The following MED27 variants were observed in gnomAD, a reference collection of about 807,000 sequenced individuals.
MED27 encodes the protein mediator complex subunit 27.
A neutral mutation model predicts 38.2 loss-of-function variants in MED27; 30 were observed. That is an observed-to-expected ratio of 0.79 (90% confidence interval 0.59 to 1.07). The LOEUF (loss-of-function observed/expected upper bound fraction) is 1.07. Ranked by LOEUF, MED27 falls within the 50% of genes least tolerant of loss-of-function variation. The pLI is 0.00. For missense variants in MED27, 289 were observed against 397.5 expected (o/e 0.73, Z 2.32); for synonymous variants, 122 against 153.5 (o/e 0.79, Z 1.52).
At chr9:131,869,803 A>T (rs898498836) in intron 6 of MED27, among the ~76,000 whole-genome samples, 4 of 152,148 alleles carry the variant, frequency 2.6e-5, no homozygotes, top group Non-Finnish European at 5.9e-5. Context: ...GAAGTCTCAG[A>T]TGCCTCATTT....
intron 3 of MED27, among the ~76,000 whole-genome samples, chr9:131,992,626 T>C (rs981940455): frequency 6.6e-6 from 1 of 152,152 alleles, no homozygotes; most frequent in Non-Finnish European, 1.5e-5. Flanking sequence ...ACTTTTGAAC[T>C]CCTGGCCTCA....
intron 2 of MED27, among the ~76,000 whole-genome samples, chr9:132,020,029 A>G (rs907008842): frequency 2.6e-5 from 4 of 152,226 alleles, no homozygotes; most frequent in African/African-American, 9.6e-5. Context: ...TAATATTCAC[A>G]GTTAAATACT....
chr9:131,923,147 C>T (rs1830427109), intron 4 of MED27, among the ~76,000 whole-genome samples: 1 of 152,176 alleles, frequency 6.6e-6, no homozygotes. Context: ...GGGAAACGTG[C>T]ACTCCTGTGT....
At chr9:131,963,136 T>C (rs1220266199) in intron 3 of MED27, among the ~76,000 whole-genome samples, 2 of 152,192 alleles carry the variant, frequency 1.3e-5, no homozygotes, top group Non-Finnish European at 2.9e-5. Flanking sequence ...CATACATCAT[T>C]TTCTGTTTGG....
chr9:131,986,473 C>A (rs1831852569), intron 3 of MED27, among the ~76,000 whole-genome samples: 2 of 152,170 alleles, frequency 1.3e-5, no homozygotes, highest in African/African-American at 4.8e-5. Flanking sequence ...TGAGCCACTG[C>A]ACACAGCTCC....
At chr9:131,956,127 C>T (rs1179234592) in intron 3 of MED27, among the ~76,000 whole-genome samples, 1 of 152,146 alleles carries the variant, frequency 6.6e-6, no homozygotes, top group Admixed American at 6.5e-5. Flanking sequence ...ACTCTGACAC[C>T]TGCTAAAGGT....
intron 3 of MED27, among the ~76,000 whole-genome samples, chr9:131,979,282 A>G (rs1169981791): frequency 1.3e-5 from 2 of 152,162 alleles, no homozygotes; most frequent in East Asian, 3.8e-4. Context: ...ATTTTAAAGA[A>G]CAGCATCAGC....
intron 2 of MED27, among the ~76,000 whole-genome samples, chr9:132,035,632 AG>A (rs999875784): frequency 1.3e-5 from 2 of 152,198 alleles, no homozygotes; most frequent in African/African-American, 4.8e-5. Context: ...CGTCTGACAG[AG>A]GGGAAAAAAT....
intron 2 of MED27, among the ~76,000 whole-genome samples, chr9:132,054,246 A>C (rs1833526286): frequency 6.6e-6 from 1 of 152,136 alleles, no homozygotes; most frequent in Non-Finnish European, 1.5e-5. Flanking sequence ...CTCCTTTAAA[A>C]GTGTGCGGCA....
chr9:131,860,424 G>T lies in MED27; in HGVS notation c.*114C>A. Reference sequence around the variant, plus strand: ...GCACACATGGCGCTGCTTTATGAAAGGGAGGAGCAGCTGTACACATCTGGG... The same window carrying T: ...GCACACATGGCGCTGCTTTATGAAATGGAGGAGCAGCTGTACACATCTGGG... On this transcript the variant is annotated 3_prime_UTR_variant, in exon 8 of 8. Coordinates refer to ENST00000292035, the MANE Select transcript of MED27 (RefSeq NM_004269.4). The surrounding 1 kb of genome is among the most constrained non-coding windows in gnomAD (Gnocchi z 5.8). The T allele has an allele frequency of 8.1e-7, 1 of 1,237,610 alleles. No homozygotes were observed. The highest frequency in any genetic ancestry group is 1.1e-6 in the Non-Finnish European group (1 of 920,360). The allele number at this position is 1,237,610 out of a possible 1,614,324, so 76.7% of individuals were successfully genotyped here. A position where few individuals can be genotyped will look rare whatever the true frequency, so the allele number is the denominator to read the frequency against.
intron 2 of MED27, among the ~76,000 whole-genome samples, chr9:132,061,181 A>T (rs1193783025): frequency 6.6e-6 from 1 of 152,218 alleles, no homozygotes; most frequent in Non-Finnish European, 1.5e-5. Flanking sequence ...ATGGATGCTG[A>T]ACCTTAACTT....
chr9:131,937,825 C>A (rs992937601), intron 4 of MED27, among the ~76,000 whole-genome samples: 1 of 137,982 alleles, frequency 7.2e-6, no homozygotes, highest in Non-Finnish European at 1.6e-5. Context: ...TTAACTGAGG[C>A]AGACTTTTTT....
In MED27 at chr9:131,872,072, G is replaced by A. The variant is rs1050442469; in HGVS notation, c.724-8932C>T. 3.3e-5 allele frequency among the ~76,000 whole-genome samples: 5 copies of A among 152,332 alleles called. No individual in the cohort carries two copies. Among genetic ancestry groups the A allele is most frequent in the Non-Finnish European group, 5.9e-5 (4 of 68,032 alleles). On this transcript the variant is annotated intron_variant, in intron 6 of 7. Transcript: ENST00000292035. This position sits in a 1 kb window ranked among gnomAD's most constrained non-coding sequence, Gnocchi z 5.6. ...TGGAGGCTGGCGACGCAGCATGCAG[G>A]TGAGGAACAGACGCTGGAGGCTGAC...
intron 4 of MED27, among the ~76,000 whole-genome samples, chr9:131,923,656 A>G (rs1023496733): frequency 6.6e-6 from 1 of 152,176 alleles, no homozygotes; most frequent in African/African-American, 2.4e-5. Context: ...AGTCAGAACT[A>G]CATAAGAAGG....
chr9:131,949,362 T>G (rs539640968), intron 3 of MED27, among the ~76,000 whole-genome samples: 53 of 152,264 alleles, frequency 3.5e-4, no homozygotes, highest in African/African-American at 1.3e-3. Context: ...AAAGCACTTT[T>G]GCACTCTTTG....
rs146671597 is a variant in MED27, at chr9:132,065,645, C to T, written c.348+11797G>A. 2.7e-4 allele frequency among the ~76,000 whole-genome samples: 41 copies of T among 152,346 alleles called. 1 individual carries two copies. The East Asian group carries it at 7.9e-3, about 29-fold the overall frequency. On this transcript the variant is annotated intron_variant, in intron 2 of 7. Coordinates refer to ENST00000292035, the MANE Select transcript of MED27 (RefSeq NM_004269.4). Reference sequence around the variant, plus strand: ...CCTGCCACTCCCGAATCTGAGAGGCCTGCAGCTGCCTTCCTCATAAAGGTC... The same window carrying T: ...CCTGCCACTCCCGAATCTGAGAGGCTTGCAGCTGCCTTCCTCATAAAGGTC...
At chr9:132,065,328 TA>T (rs1833785012) in intron 2 of MED27, among the ~76,000 whole-genome samples, 1 of 152,182 alleles carries the variant, frequency 6.6e-6, no homozygotes, top group Non-Finnish European at 1.5e-5. Context: ...TGGTCTACCA[TA>T]ACCCTCCAGT....
chr9:132,011,718 T>C (rs1212281750), intron 3 of MED27, among the ~76,000 whole-genome samples: 1 of 152,148 alleles, frequency 6.6e-6, no homozygotes, highest in African/African-American at 2.4e-5. Context: ...CTTTTAGATA[T>C]AGCTTCTGCC....
intron 1 of MED27, 61 bp from the exon 2 acceptor site, chr9:132,077,647 A>T: frequency 1.3e-6 from 2 of 1,570,992 alleles, no homozygotes; most frequent in South Asian, 1.2e-5. Context: ...GGGTAAAGCC[A>T]GCCCCCAGGA....
Sources: allele counts gnomAD v4.1 joint callset (sites outside exome capture counted in the v4.1 genomes callset), GRCh38; gene constraint gnomAD v4.1.1; non-coding constraint Gnocchi (gnomAD v3.1); transcripts MANE v1.5; gene names NCBI Gene and HGNC (gene_info 2026-07-23, HGNC 2026-07-21).